Variants in OR5D3 observed in about 807,000 individuals in gnomAD.
OR5D3 encodes olfactory receptor 5D3.
At chr11:55,726,743 TTGTC>T in the OR5D3 span, 5 of 398,936 alleles carry the variant, frequency 1.3e-5, no homozygotes, top group African/African-American at 4.1e-5. Flanking sequence ...ATTAATAACT[TTGTC>T]TGTGAGCACG....
chr11:55,726,619 A>G, the OR5D3 span: 1 of 401,656 alleles, frequency 2.5e-6, no homozygotes, highest in Non-Finnish European at 4.4e-6. Context: ...CACAGTTGCA[A>G]TGTCCCAGAG....
At chr11:55,726,211 C>T in the OR5D3 span, 1 of 398,946 alleles carries the variant, frequency 2.5e-6, no homozygotes, top group East Asian at 3.6e-5. Context: ...ATTTTTTTCT[C>T]ACAGGATTCA....
the OR5D3 span, among the ~76,000 whole-genome samples, chr11:55,725,585 A>G: frequency 6.6e-6 from 1 of 152,088 alleles, no homozygotes; most frequent in Non-Finnish European, 1.5e-5. Flanking sequence ...TCTTCTCATA[A>G]GTGATATAAT....
the OR5D3 span, chr11:55,727,126 G>C: frequency 4.0e-5 from 16 of 399,270 alleles, no homozygotes; most frequent in Middle Eastern, 6.0e-4. Context: ...CAGGAAGTTA[G>C]TCATTACCAA....
the OR5D3 span, chr11:55,728,316 C>T: frequency 4.6e-5 from 7 of 152,078 alleles, no homozygotes; most frequent in Non-Finnish European, 8.8e-5. Context: ...TCTTGTAGAA[C>T]TGCAAGATTA....
chr11:55,729,490 C>G, the OR5D3 span: 1 of 151,992 alleles, frequency 6.6e-6, no homozygotes, highest in South Asian at 2.1e-4. Context: ...AAAATTATAT[C>G]TGGACCATTT....
the OR5D3 span, chr11:55,724,149 G>A: frequency 2.6e-6 from 1 of 390,064 alleles, no homozygotes; most frequent in Non-Finnish European, 4.5e-6. Context: ...GTAGGTTGAA[G>A]TGCCCTCAAA....
At chr11:55,727,143 A>G in the OR5D3 span, 1 of 398,884 alleles carries the variant, frequency 2.5e-6, no homozygotes, top group Admixed American at 4.4e-5. Flanking sequence ...CCAAATTATT[A>G]TGTCATAAAA....
At chr11:55,725,932 G>A in the OR5D3 span, among the ~76,000 whole-genome samples, 1 of 152,080 alleles carries the variant, frequency 6.6e-6, no homozygotes, top group South Asian at 2.1e-4. Flanking sequence ...TTCTCATGAA[G>A]CCTGCTGTCT....
chr11:55,728,271 A>G, the OR5D3 span: 1 of 151,282 alleles, frequency 6.6e-6, no homozygotes, highest in Non-Finnish European at 1.5e-5. Flanking sequence ...AATCACGTCC[A>G]AGCCCCAAAG....
the OR5D3 span, chr11:55,728,975 A>T: frequency 1.3e-5 from 2 of 152,088 alleles, no homozygotes; most frequent in Non-Finnish European, 2.9e-5. Flanking sequence ...TATTTAGTAT[A>T]TTCAATAAGG....
the OR5D3 span, chr11:55,727,204 G>A: frequency 2.5e-6 from 1 of 397,706 alleles, no homozygotes; most frequent in Non-Finnish European, 4.4e-6. Flanking sequence ...CACTGCAGTT[G>A]TTCAATAACT....
the OR5D3 span, chr11:55,727,334 A>G: frequency 8.0e-6 from 3 of 374,856 alleles, no homozygotes; most frequent in Admixed American, 4.5e-5. Flanking sequence ...CAGACCATTT[A>G]AACTAAATTT....
chr11:55,727,290 C>G, the OR5D3 span: 3 of 393,284 alleles, frequency 7.6e-6, no homozygotes, highest in Non-Finnish European at 1.3e-5. Flanking sequence ...AGTAAAATAA[C>G]TTTAAAGTTA....
the OR5D3 span, chr11:55,727,827 T>C: frequency 6.6e-6 from 1 of 152,202 alleles, no homozygotes; most frequent in African/African-American, 2.4e-5. Context: ...TAATTTTCTA[T>C]TCATTTTCCT....
the OR5D3 span, chr11:55,729,545 G>A: frequency 6.6e-6 from 1 of 151,836 alleles, no homozygotes; most frequent in Admixed American, 6.6e-5. Flanking sequence ...AACAAAGACG[G>A]CATCAAAGAT....
chr11:55,728,961 A>G, the OR5D3 span: 1 of 152,058 alleles, frequency 6.6e-6, no homozygotes, highest in Non-Finnish European at 1.5e-5. Context: ...TATGCATCGC[A>G]GAATATTTAG....
the OR5D3 span, among the ~76,000 whole-genome samples, chr11:55,724,437 T>C: frequency 6.6e-6 from 1 of 152,058 alleles, no homozygotes; most frequent in East Asian, 1.9e-4. Context: ...ATGTTTGCAA[T>C]ATATACAGAG....
chr11:55,725,199 C>T, the OR5D3 span, among the ~76,000 whole-genome samples: 3 of 152,112 alleles, frequency 2.0e-5, no homozygotes, highest in South Asian at 4.1e-4. Flanking sequence ...ATAACCACTA[C>T]ATTCATTAGC....
Sources: gnomAD v4.1 joint callset for allele counts (sites outside exome capture counted in the v4.1 genomes callset) on GRCh38, gnomAD v4.1.1 for gene constraint, MANE v1.5 for transcripts, NCBI Gene and HGNC (gene_info 2026-07-23, HGNC 2026-07-21) for gene names.